PREX1: variants seen among roughly 807,000 people sequenced by gnomAD.
PREX1 encodes phosphatidylinositol-3,4,5-trisphosphate dependent Rac exchange factor 1.
Under a neutral mutation model 198.3 loss-of-function variants are expected in PREX1, and 41 were observed. The ratio of observed to expected loss-of-function variants is 0.21; its 90% confidence interval spans 0.16 to 0.27. The LOEUF is 0.27. Among genes scored for constraint, PREX1 ranks in the 10% least tolerant of loss-of-function variants. The probability of loss-of-function intolerance (pLI) is 1.00; values close to 1 mark genes in which losing one functional copy is unlikely to be tolerated. For missense variants in PREX1, 1,620 were observed against 2,200.7 expected (o/e 0.74, Z 5.28); for synonymous variants, 843 against 887.2 (o/e 0.95, Z 0.89).
At chr20:48,692,516 A>C (rs1372686614) in intron 8 of PREX1, 156 bp downstream of exon 8, 5 of 584,904 alleles carry the variant, frequency 8.5e-6, no homozygotes, top group African/African-American at 3.7e-5. Flanking sequence ...CTAACCACCC[A>C]GATGTTCGCT....
chr20:48,832,835 A>G (rs2090540066), upstream of PREX1, among the ~76,000 whole-genome samples: 1 of 152,242 alleles, frequency 6.6e-6, no homozygotes, highest in South Asian at 2.1e-4. Context: ...TCAGGGCTCC[A>G]CAGCTTTGCC....
intron 1 of PREX1, among the ~76,000 whole-genome samples, chr20:48,814,419 T>G (rs1295601790): frequency 2.0e-5 from 3 of 152,178 alleles, no homozygotes; most frequent in African/African-American, 7.2e-5. Context: ...GAAGGCTCTC[T>G]GAGGAAGCGG....
chr20:48,713,889 TA>T, intron 5 of PREX1, among the ~76,000 whole-genome samples: 1 of 128,018 alleles, frequency 7.8e-6, no homozygotes, highest in Non-Finnish European at 1.7e-5. Context: ...AAATCAAAAG[TA>T]AAAATCAATG....
intron 1 of PREX1, among the ~76,000 whole-genome samples, chr20:48,790,863 C>T (rs574027564): frequency 6.6e-6 from 1 of 152,244 alleles, no homozygotes; most frequent in Non-Finnish European, 1.5e-5. Context: ...TGCCATATCC[C>T]AACATCCCCA....
intron 10 of PREX1, among the ~76,000 whole-genome samples, chr20:48,681,705 C>T (rs56037541): frequency 0.38 from 57,731 of 150,284 alleles, 11,631 homozygotes; most frequent in South Asian, 0.53. Flanking sequence ...GATGGATGGA[C>T]GGACGGATGG....
At chr20:48,886,148 G>A in the PREX1 span, among the ~76,000 whole-genome samples, 5 of 152,182 alleles carry the variant, frequency 3.3e-5, no homozygotes, top group Non-Finnish European at 7.3e-5. Flanking sequence ...AGTAGTAGGG[G>A]AGGTTGTGAA....
chr20:48,811,245 C>T (rs754773710), intron 1 of PREX1, among the ~76,000 whole-genome samples: 4 of 152,048 alleles, frequency 2.6e-5, no homozygotes, highest in Non-Finnish European at 5.9e-5. Flanking sequence ...GAACTCCCGA[C>T]CTCAGGTGAT....
intron 3 of PREX1, 57 bp downstream of exon 3, chr20:48,744,966 AGG>A (rs1242069013): frequency 7.3e-5 from 117 of 1,593,952 alleles, no homozygotes; most frequent in South Asian, 4.0e-4. Flanking sequence ...GCAGGGACCC[AGG>A]GAGAAGCCCA....
intron 1 of PREX1, among the ~76,000 whole-genome samples, chr20:48,793,425 T>A (rs1415193980): frequency 6.6e-6 from 1 of 152,198 alleles, no homozygotes; most frequent in Non-Finnish European, 1.5e-5. Context: ...GGCATGTGAA[T>A]TATACTCAAT....
Position 48,645,837 on chromosome 20 carries a change from A to C in PREX1, c.3512+14T>G. The C allele has an allele frequency of 6.2e-7, 1 of 1,613,222 alleles. No homozygotes were observed. The highest frequency in any genetic ancestry group is 1.3e-5 in the African/African-American group (1 of 75,040). ...ATCCTCATCTAACCTCAGCCCCCTGACGGTGACACCCACCTGTAGGAGTCG... is the reference window on the plus strand; with the variant it reads ...ATCCTCATCTAACCTCAGCCCCCTGCCGGTGACACCCACCTGTAGGAGTCG... On this transcript the variant is annotated intron_variant, in intron 26 of 39. Transcript: ENST00000371941.
At chr20:48,645,779 G>A in intron 26 of PREX1, 72 bp downstream of exon 26, 1 of 1,513,476 alleles carries the variant, frequency 6.6e-7, no homozygotes, top group Non-Finnish European at 9.0e-7. Context: ...TTCTGATGTT[G>A]CCACGGGTCC....
Position 48,627,880 on chromosome 20 carries a change from G to A in PREX1, c.4850C>T (p.Thr1617Met), listed in dbSNP as rs140103506. 26 of 1,612,902 alleles carry A rather than the reference G, an allele frequency of 1.6e-5. No individual in the cohort carries two copies. The highest frequency in any genetic ancestry group is 5.0e-5 in the Admixed American group (3 of 59,970). ...CCTCACCTGCTTCCGCATGATGTCC[G>A]TGGCCTGCATGATGCACTTGGGCAG... The part of the protein sequence containing the change: ...GLLPKCIMQA[T>M]DIMRKQGPRV... Residue 1617 changes from threonine to methionine, a missense_variant, in exon 38 of 40, where the codon ACG (threonine) becomes ATG (methionine). Coordinates refer to ENST00000371941, the MANE Select transcript of PREX1 (RefSeq NM_020820.4).
chr20:48,866,376 C>T, the PREX1 span, among the ~76,000 whole-genome samples: 2 of 152,156 alleles, frequency 1.3e-5, no homozygotes, highest in African/African-American at 2.4e-5. Flanking sequence ...CAAGGCCTGG[C>T]TGCTCATGGG....
intron 14 of PREX1, 140 bp downstream of exon 14, chr20:48,676,053 A>AT: frequency 2.3e-6 from 2 of 856,240 alleles, no homozygotes; most frequent in Non-Finnish European, 3.6e-6. Flanking sequence ...AAAAAAAAAA[A>AT]GATCAAGATG....
intron 27 of PREX1, among the ~76,000 whole-genome samples, chr20:48,643,946 G>C (rs966303717): frequency 6.6e-6 from 1 of 152,202 alleles, no homozygotes; most frequent in Admixed American, 6.5e-5. Flanking sequence ...CAAAGTGCTG[G>C]GATTACAGGC....
chr20:48,697,159 G>C (rs542845552), intron 7 of PREX1, among the ~76,000 whole-genome samples: 1 of 152,058 alleles, frequency 6.6e-6, no homozygotes, highest in Non-Finnish European at 1.5e-5. Context: ...CCCAAATAAA[G>C]ATATATGTAT....
rs563577588 is a variant in PREX1, at chr20:48,666,101, C to T, written c.1738+182G>A. 6.6e-6 allele frequency among the ~76,000 whole-genome samples: 1 copy of T among 152,322 alleles called. No homozygotes were observed. Among genetic ancestry groups the T allele is most frequent in the South Asian group, 2.1e-4 (1 of 4,820 alleles). Reference sequence around the variant, plus strand: ...CAGCCATTTTGGTCCCCAGTGGACACCAGAAGCCATTTCTCGATCGGTTCA... The same window carrying T: ...CAGCCATTTTGGTCCCCAGTGGACATCAGAAGCCATTTCTCGATCGGTTCA... On this transcript the variant is annotated intron_variant, in intron 15 of 39. Coordinates refer to ENST00000371941, the MANE Select transcript of PREX1 (RefSeq NM_020820.4). This position sits in a 1 kb window ranked among gnomAD's most constrained non-coding sequence, Gnocchi z 4.3.
At chr20:48,648,629 C>T (rs770387226) in intron 25 of PREX1, among the ~76,000 whole-genome samples, 1 of 152,184 alleles carries the variant, frequency 6.6e-6, no homozygotes, top group Non-Finnish European at 1.5e-5. Flanking sequence ...AATGCCTCCC[C>T]ACATGGACGT....
At chr20:48,628,919 G>A (rs1041319199) in intron 37 of PREX1, among the ~76,000 whole-genome samples, 4 of 152,172 alleles carry the variant, frequency 2.6e-5, no homozygotes, top group Non-Finnish European at 4.4e-5. Context: ...GGGAGCCAAG[G>A]AGGAAATAAA....
Sources: gnomAD v4.1 joint callset for allele counts (sites outside exome capture counted in the v4.1 genomes callset) on GRCh38, gnomAD v4.1.1 for gene constraint, Gnocchi (gnomAD v3.1) non-coding constraint, MANE v1.5 for transcripts, NCBI Gene and HGNC (gene_info 2026-07-23, HGNC 2026-07-21) for gene names.